Variants in PHKA1 observed in about 807,000 individuals in gnomAD.
PHKA1 encodes phosphorylase b kinase regulatory subunit alpha, skeletal muscle isoform.
A neutral mutation model predicts 110.2 loss-of-function variants in PHKA1; 60 were observed. The ratio of observed to expected loss-of-function variants is 0.54; its 90% CI spans 0.44 to 0.68. The LOEUF is 0.68. PHKA1 is among the 30% of genes least tolerant of loss of function. The pLI, the probability that PHKA1 is intolerant of heterozygous loss-of-function variation, is 0.00. For synonymous variants in PHKA1, 316 were observed against 333.6 expected, an observed-to-expected ratio of 0.95 and a Z score of 0.58; for missense variants, 801 against 942.5, an observed-to-expected ratio of 0.85 and a Z score of 1.97.
At chrX:72,699,305 C>A (rs1485002008) in intron 3 of PHKA1, among the ~76,000 whole-genome samples, 2 of 108,422 alleles carry the variant, frequency 1.8e-5, no homozygotes, top group African/African-American at 6.7e-5. Context: ...GAGATTGAGA[C>A]CATCCTGGCC....
chrX:72,638,148 G>C (rs1438105383), intron 14 of PHKA1, among the ~76,000 whole-genome samples: 1 of 109,646 alleles, frequency 9.1e-6, no homozygotes, highest in Non-Finnish European at 1.9e-5. Context: ...TTTTGTTTTT[G>C]TTTTTTAAAT....
At chrX:72,664,417 T>C (rs1457743264) in intron 8 of PHKA1, among the ~76,000 whole-genome samples, 1 of 111,754 alleles carries the variant, frequency 8.9e-6, no homozygotes, top group African/African-American at 3.2e-5. Flanking sequence ...ATTGCAGCAT[T>C]CAGATATATA....
At chrX:72,699,868 AGG>A (rs2054184583) in intron 3 of PHKA1, among the ~76,000 whole-genome samples, 2 of 112,110 alleles carry the variant, frequency 1.8e-5, no homozygotes, top group East Asian at 5.6e-4. Context: ...CTCATGAGCC[AGG>A]GACTATCGTG....
intron 3 of PHKA1, among the ~76,000 whole-genome samples, chrX:72,701,807 G>A (rs2054208847): frequency 8.9e-6 from 1 of 111,958 alleles, no homozygotes; most frequent in Non-Finnish European, 1.9e-5. Flanking sequence ...AATTATTCTT[G>A]CTGCACTGTA....
rs782091010 is a variant in PHKA1 at position 72,666,172 on chromosome X, C to T, written c.843G>A (p.Gln281=). ...EDSQLVELTK[Q]EIITKLQGRY... is the part of the protein sequence containing the mutation. ...ATACCTGAAGCTTGGTGATGATTTC[C>T]TGTTTTGTGAGCTCCACCAACTGGC... The change falls in exon 8 of 32, where the codon CAG becomes CAA. Residue 281 remains glutamine (Q), a synonymous_variant. Coordinates refer to ENST00000373542, the MANE Select transcript of PHKA1 (RefSeq NM_002637.4). 1.1e-5 allele frequency: 13 copies of T among 1,211,072 alleles called. No individual in the cohort carries two copies. The highest frequency in any genetic ancestry group is 1.2e-5 in the Non-Finnish European group (11 of 895,067).
rs782235974 is a variant in PHKA1, at chrX:72,581,077, G to A, written c.3597C>T (p.Thr1199=). ...CGGCTGCCTTGGAGAGGTAGGTCAT[G>A]GTGCCAAACCTGCCACTGGGTGCAC... The part of the protein sequence containing the change: ...YDSAPSGRFG[T]MTYLSKAAAT... Residue 1199 remains threonine (T), a synonymous_variant, in exon 32 of 32, where the codon ACC becomes ACT. Coordinates refer to ENST00000373542, the MANE Select transcript of PHKA1 (RefSeq NM_002637.4). 8.3e-7 allele frequency: 1 copy of A among 1,207,388 alleles called. No individual in the cohort carries two copies. The highest frequency in any genetic ancestry group is 1.8e-5 in the South Asian group (1 of 56,826).
intron 5 of PHKA1, among the ~76,000 whole-genome samples, chrX:72,681,387 G>A (rs1349982208): frequency 3.2e-4 from 34 of 105,529 alleles, no homozygotes; most frequent in East Asian, 1.5e-3. Flanking sequence ...CCATCTGGGA[G>A]GGAGGTGGGG....
intron 3 of PHKA1, among the ~76,000 whole-genome samples, chrX:72,698,527 T>C (rs1556328305): frequency 8.9e-6 from 1 of 112,421 alleles, no homozygotes; most frequent in East Asian, 2.8e-4. Context: ...TGCCAAATAC[T>C]ATCAGGTGTC....
In PHKA1 at chrX:72,622,068, TGAC is replaced by T. The variant is rs1355561620; in HGVS notation, c.1960+1038_1960+1040del. The T allele has an allele frequency of 9.5e-6, 7 of 739,752 alleles. No individual in the cohort carries two copies. The African/African-American group carries it at 1.4e-4, about 15-fold the overall frequency. 61.0% of individuals were successfully genotyped at this position (739,752 alleles called of 1,213,427 possible). ...CAAAGTATTTTATGCCAAGACATCA[TGAC>T]TTTTGTTATTACTGATAACAGTAAA... On this transcript the variant is annotated intron_variant, in intron 18 of 31. Transcript: ENST00000373542.
At chrX:72,659,501 C>A (rs2053535717) in intron 8 of PHKA1, among the ~76,000 whole-genome samples, 1 of 106,743 alleles carries the variant, frequency 9.4e-6, no homozygotes, top group Non-Finnish European at 1.9e-5. Context: ...TAGGAAGACA[C>A]ACATCCCTAT....
intron 14 of PHKA1, among the ~76,000 whole-genome samples, chrX:72,641,717 T>C (rs929481498): frequency 2.7e-5 from 3 of 111,882 alleles, no homozygotes; most frequent in Non-Finnish European, 5.7e-5. Context: ...GTTAAAGAAA[T>C]AGCCCTTTTT....
chrX:72,582,563 C>T lies in PHKA1; in HGVS notation c.3333G>A (p.Val1111=), dbSNP rs781954415. ...TPGEIKFSVH[V]ESVLNRVPQP... ...GAGGTACACGATTCAGGACAGACTCCACATGAACAGAGAATTTAATCTCAC... is the reference window on the plus strand; with the variant it reads ...GAGGTACACGATTCAGGACAGACTCTACATGAACAGAGAATTTAATCTCAC... The change falls in exon 31 of 32, where the codon GTG becomes GTA. Residue 1111 remains valine, a synonymous_variant. Transcript: ENST00000373542. 6.7e-6 allele frequency: 8 copies of T among 1,202,187 alleles called. No individual in the cohort carries two copies. The South Asian group carries it at 1.2e-4, about 19-fold the overall frequency.
chrX:72,705,967 A>G (rs782614688), intron 2 of PHKA1, among the ~76,000 whole-genome samples: 5 of 111,976 alleles, frequency 4.5e-5, no homozygotes, highest in African/African-American at 1.3e-4. Context: ...CAGTTTCTCT[A>G]TTTCTCCAAA....
intron 29 of PHKA1, among the ~76,000 whole-genome samples, 187 bp from the exon 30 acceptor site, chrX:72,584,489 C>T (rs782487138): frequency 2.9e-4 from 32 of 111,465 alleles, no homozygotes; most frequent in African/African-American, 9.8e-4. Context: ...TGCCTAAGTG[C>T]CAAGATGCAG....
intron 17 of PHKA1, among the ~76,000 whole-genome samples, chrX:72,625,882 TCTTGAACTCC>T (rs1556282498): frequency 9.0e-6 from 1 of 111,458 alleles, no homozygotes; most frequent in African/African-American, 3.3e-5. Context: ...GCCAGGCTGG[TCTTGAACTCC>T]TGGCTTCAAG....
chrX:72,659,525 A>G (rs1556303130), intron 8 of PHKA1, among the ~76,000 whole-genome samples: 1 of 89,375 alleles, frequency 1.1e-5, no homozygotes, highest in East Asian at 2.8e-4. Flanking sequence ...AAACACACAC[A>G]GACACACAGA....
Position 72,707,038 on chromosome X carries a change from C to T in PHKA1, c.238-1793G>A, listed in dbSNP as rs551575147. 3.6e-5 allele frequency among the ~76,000 whole-genome samples: 4 copies of T among 111,827 alleles called. No homozygotes were observed. The Middle Eastern group carries it at 0.019, about 518-fold the overall frequency. On this transcript the variant is annotated intron_variant, in intron 2 of 31. Coordinates refer to ENST00000373542, the MANE Select transcript of PHKA1 (RefSeq NM_002637.4). Reference sequence around the variant, plus strand: ...CTAGATGGCATTAATTATACATGTACATTCATACATCAGGGCTTCTACCCC... The same window carrying T: ...CTAGATGGCATTAATTATACATGTATATTCATACATCAGGGCTTCTACCCC...
chrX:72,698,003 T>TG (rs1325185227), intron 3 of PHKA1, among the ~76,000 whole-genome samples: 1 of 110,116 alleles, frequency 9.1e-6, no homozygotes, highest in Non-Finnish European at 1.9e-5. Flanking sequence ...AAAATTTTTT[T>TG]TAAGTGCACT....
intron 5 of PHKA1, 53 bp from the exon 6 acceptor site, chrX:72,676,203 C>T (rs1247028252): frequency 1.7e-5 from 16 of 920,955 alleles, no homozygotes; most frequent in Middle Eastern, 5.4e-4. Context: ...CTAAATACTT[C>T]CTAGATGCAG....
Sources: gnomAD v4.1 joint callset for allele counts (sites outside exome capture counted in the v4.1 genomes callset) on GRCh38, gnomAD v4.1.1 for gene constraint, MANE v1.5 for transcripts, NCBI Gene and HGNC (gene_info 2026-07-23, HGNC 2026-07-21) for gene names.